The following MMP26 variants were observed in gnomAD, a reference collection of about 807,000 sequenced individuals.
MMP26 encodes matrix metalloproteinase-26.
Under a neutral mutation model 31.0 loss-of-function variants are expected in MMP26, and 33 were observed. The ratio of observed to expected loss-of-function variants is 1.06; its 90% CI spans 0.81 to 1.42. The LOEUF (loss-of-function observed/expected upper bound fraction) is 1.42, where lower values mean the gene tolerates loss of function less well. Among genes scored for constraint, MMP26 ranks in the 40% most tolerant of loss-of-function variants. The pLI, the probability that MMP26 is intolerant of heterozygous loss-of-function variation, is 0.00. For missense variants in MMP26, 347 were observed against 316.1 expected (o/e 1.10, Z -0.74); for synonymous variants, 122 against 114.9 (o/e 1.06, Z -0.40).
chr11:4,804,438 A>T lies in MMP26; in HGVS notation c.-145+37097A>T. The T allele has an allele frequency of 3.1e-6, 4 of 1,295,602 alleles. No individual in the cohort carries two copies. The South Asian group carries it at 4.7e-5, about 15-fold the overall frequency. The allele number at this position is 1,295,602 out of a possible 1,614,324, so 80.3% of individuals were successfully genotyped here. On this transcript the variant is annotated intron_variant, in intron 2 of 7. Transcript: ENST00000380390. Reference sequence around the variant, plus strand: ...AATCTACTCTCTGCAGATGATAACAATCAAAACAAGTGTTATTATTATATA... The same window carrying T: ...AATCTACTCTCTGCAGATGATAACATTCAAAACAAGTGTTATTATTATATA...
intron 2 of MMP26, chr11:4,769,904 C>T (rs1176937014): frequency 1.3e-6 from 2 of 1,599,910 alleles, no homozygotes; most frequent in African/African-American, 1.3e-5. Flanking sequence ...TGTTGAGTTG[C>T]TTAGGATTTC....
chr11:4,980,569 A>ATCTCCTT (rs1846798397), intron 2 of MMP26, among the ~76,000 whole-genome samples: 1 of 152,148 alleles, frequency 6.6e-6, no homozygotes, highest in Non-Finnish European at 1.5e-5. Context: ...AGGAAAAGTA[A>ATCTCCTT]ACTAATGAAA....
chr11:4,815,658 T>G (rs190155896), intron 2 of MMP26, among the ~76,000 whole-genome samples: 1 of 152,118 alleles, frequency 6.6e-6, no homozygotes, highest in Non-Finnish European at 1.5e-5. Flanking sequence ...TCCTGGAATA[T>G]ATGCTTCAGC....
chr11:4,711,858 C>T (rs902615774), intron 1 of MMP26: 15 of 152,134 alleles, frequency 9.9e-5, no homozygotes, highest in Non-Finnish European at 2.9e-5. Context: ...ATATATATTT[C>T]TGAAAAACAC....
At chr11:4,881,395 C>T (rs995440558) in intron 2 of MMP26, among the ~76,000 whole-genome samples, 64 of 152,250 alleles carry the variant, frequency 4.2e-4, no homozygotes, top group African/African-American at 1.5e-3. Flanking sequence ...CTGCATTCAT[C>T]TGCACGTGAA....
intron 1 of MMP26, among the ~76,000 whole-genome samples, chr11:4,755,244 A>G (rs1485938530): frequency 1.3e-5 from 2 of 152,040 alleles, no homozygotes; most frequent in Non-Finnish European, 2.9e-5. Context: ...AAAAAAGAAA[A>G]AAAACACAAG....
At chr11:4,777,671 GT>G (rs1312593310) in intron 2 of MMP26, among the ~76,000 whole-genome samples, 4 of 152,024 alleles carry the variant, frequency 2.6e-5, no homozygotes, top group Non-Finnish European at 4.4e-5. Flanking sequence ...ATCCAAATAG[GT>G]TAGTTTTGCC....
intron 2 of MMP26, among the ~76,000 whole-genome samples, chr11:4,892,538 T>A (rs1225835513): frequency 2.0e-5 from 3 of 152,212 alleles, no homozygotes; most frequent in Non-Finnish European, 4.4e-5. Context: ...CCGATCTTGA[T>A]ATTTTCTTCA....
At chr11:4,908,004 T>A (rs1159900180) in intron 2 of MMP26, 1 of 1,614,262 alleles carries the variant, frequency 6.2e-7, no homozygotes, top group East Asian at 2.2e-5. Context: ...GACTTGGCAC[T>A]GATTGTTTTG....
chr11:4,765,557 C>T (rs927720537), intron 1 of MMP26, among the ~76,000 whole-genome samples: 2 of 152,176 alleles, frequency 1.3e-5, no homozygotes, highest in African/African-American at 4.8e-5. Flanking sequence ...CTCTTGTCTA[C>T]CCTTCAGATC....
At chr11:4,820,190 T>C (rs1002506790) in intron 2 of MMP26, among the ~76,000 whole-genome samples, 10 of 152,200 alleles carry the variant, frequency 6.6e-5, no homozygotes, top group Non-Finnish European at 1.3e-4. Context: ...TGAGGTTAGA[T>C]ATGCAGGTTT....
At chr11:4,847,905 G>C (rs1849897237) in intron 2 of MMP26, 1 of 214,242 alleles carries the variant, frequency 4.7e-6, no homozygotes, top group African/African-American at 2.3e-5. Flanking sequence ...AACTCTTCTA[G>C]CTTTATCCAG....
intron 2 of MMP26, among the ~76,000 whole-genome samples, chr11:4,833,991 T>C (rs1217801734): frequency 6.6e-6 from 1 of 152,148 alleles, no homozygotes; most frequent in African/African-American, 2.4e-5. Context: ...GTCGATGGTA[T>C]GTGCTTGGTA....
At chr11:4,750,106 T>C (rs558985396) in intron 1 of MMP26, among the ~76,000 whole-genome samples, 13 of 152,034 alleles carry the variant, frequency 8.6e-5, no homozygotes, top group Non-Finnish European at 1.8e-4. Context: ...AAATAACTAT[T>C]AAAACGTGGG....
chr11:4,707,438 C>A (rs1273523548), intron 1 of MMP26, among the ~76,000 whole-genome samples: 1 of 152,114 alleles, frequency 6.6e-6, no homozygotes, highest in Non-Finnish European at 1.5e-5. Context: ...AACCCCTAAT[C>A]AGGTATTTGG....
intron 2 of MMP26, among the ~76,000 whole-genome samples, chr11:4,808,676 C>T (rs752689278): frequency 1.3e-5 from 2 of 151,978 alleles, no homozygotes; most frequent in Non-Finnish European, 2.9e-5. Context: ...AGGCTTTTCA[C>T]AGGGCAGAGC....
At chr11:4,900,356 T>G (rs557845651) in intron 2 of MMP26, among the ~76,000 whole-genome samples, 9 of 152,228 alleles carry the variant, frequency 5.9e-5, no homozygotes, top group Non-Finnish European at 1.0e-4. Context: ...TGCTGCCTTT[T>G]GTGGGGTAGA....
intron 2 of MMP26, among the ~76,000 whole-genome samples, chr11:4,985,191 G>C (rs1323424161): frequency 6.6e-6 from 1 of 151,996 alleles, no homozygotes; most frequent in Non-Finnish European, 1.5e-5. Context: ...AGATATAGAT[G>C]TAAATATCAA....
chr11:4,874,794 A>G (rs552679534), intron 2 of MMP26, among the ~76,000 whole-genome samples: 1 of 152,166 alleles, frequency 6.6e-6, no homozygotes, highest in Admixed American at 6.6e-5. Context: ...AAGAGAATTG[A>G]TTGTGTGGCA....
Sources: gnomAD v4.1 joint callset for allele counts (sites outside exome capture counted in the v4.1 genomes callset) on GRCh38, gnomAD v4.1.1 for gene constraint, MANE v1.5 for transcripts, NCBI Gene and HGNC (gene_info 2026-07-23, HGNC 2026-07-21) for gene names.